Variants in CFAP54 observed in about 807,000 individuals in gnomAD.
The protein encoded by CFAP54 is cilia- and flagella-associated protein 54.
A neutral mutation model predicts 370.4 loss-of-function variants in CFAP54; 290 were observed. The observed-to-expected ratio is 0.78, with a 90% CI of 0.71 to 0.86. CFAP54 has a LOEUF of 0.86. CFAP54 is among the 40% of genes least tolerant of loss of function. The pLI is 0.00. For synonymous variants in CFAP54, 1,206 were observed against 1,236.5 expected (o/e 0.98, Z 0.52); for missense variants, 3,399 against 3,528.7 (o/e 0.96, Z 0.93).
intron 14 of CFAP54, 119 bp downstream of exon 14, chr12:96,541,106 G>T: frequency 3.8e-6 from 2 of 529,666 alleles, no homozygotes; most frequent in East Asian, 3.5e-5. Context: ...GCTTCATTGA[G>T]GATTTATAAT....
intron 63 of CFAP54, among the ~76,000 whole-genome samples, chr12:96,801,291 A>T (rs779853502): frequency 6.6e-6 from 1 of 152,214 alleles, no homozygotes; most frequent in African/African-American, 2.4e-5. Flanking sequence ...TGAGTATACG[A>T]GGTAGAAATT....
intron 50 of CFAP54, among the ~76,000 whole-genome samples, chr12:96,729,293 C>T (rs7295460): frequency 0.24 from 36,393 of 151,882 alleles, 4,507 homozygotes; most frequent in South Asian, 0.28. Context: ...GTGCAGCCTA[C>T]AGAGGCCGGC....
intron 19 of CFAP54, among the ~76,000 whole-genome samples, chr12:96,575,817 C>T (rs1235086975): frequency 6.6e-6 from 1 of 152,050 alleles, no homozygotes; most frequent in Non-Finnish European, 1.5e-5. Context: ...TGTCCTAGCA[C>T]CATTTGTAGA....
intron 9 of CFAP54, among the ~76,000 whole-genome samples, chr12:96,529,741 A>C (rs1016058073): frequency 1.3e-5 from 2 of 152,138 alleles, no homozygotes; most frequent in Admixed American, 1.3e-4. Context: ...CCTTTATTGA[A>C]TACATGTATT....
At chr12:96,683,247 T>C (rs777079161) in intron 40 of CFAP54, among the ~76,000 whole-genome samples, 14 of 152,346 alleles carry the variant, frequency 9.2e-5, no homozygotes, top group Non-Finnish European at 2.1e-4. Flanking sequence ...TGTAAAGAAA[T>C]AATCAGATGC....
intron 63 of CFAP54, among the ~76,000 whole-genome samples, chr12:96,793,829 C>G (rs2136704329): frequency 6.6e-6 from 1 of 152,076 alleles, no homozygotes; most frequent in Admixed American, 6.5e-5. Flanking sequence ...AGCATTTTTT[C>G]ATGTTTGTTG....
Position 96,626,908 on chromosome 12 carries a change from G to T in CFAP54, c.4072G>T (p.Val1358Leu). 7.0e-7 allele frequency: 1 copy of T among 1,427,490 alleles called. No homozygotes were observed. Among genetic ancestry groups the T allele is most frequent in the Non-Finnish European group, 9.2e-7 (1 of 1,081,730 alleles). 88.4% of individuals were successfully genotyped at this position (1,427,490 alleles called of 1,614,324 possible). The change falls in exon 30 of 68, where the codon GTA becomes TTA. Residue 1358 changes from valine to leucine, a missense_variant. Physicochemically the swap from Val to Leu is conservative, Grantham distance 32. Coordinates refer to ENST00000524981, the MANE Select transcript of CFAP54 (RefSeq NM_001306084.2). ...GGAAAAATTTCATCTTATGGTAGAGGTAACAACTCCTGTCCATGACTTCTT... is the reference window on the plus strand; with the variant it reads ...GGAAAAATTTCATCTTATGGTAGAGTTAACAACTCCTGTCCATGACTTCTT... Reference protein sequence around the residue: ...NEEKFHLMVEVTTPVHDFLKR... With the variant: ...NEEKFHLMVELTTPVHDFLKR...
intron 60 of CFAP54, among the ~76,000 whole-genome samples, 175 bp from the exon 61 acceptor site, chr12:96,784,542 G>A (rs1253445996): frequency 6.6e-6 from 1 of 151,896 alleles, no homozygotes; most frequent in Non-Finnish European, 1.5e-5. Flanking sequence ...TCAGTCTGTG[G>A]TTGGTCTTTT....
chr12:96,580,705 C>T lies in CFAP54; in HGVS notation c.2889+16C>T. ...AGGAGAAGCGGTACGTCAAATTAAA[C>T]ATCAGGAAATCTTACTGAAGCCTTT... is the stretch of plus-strand genomic sequence containing the variant. On this transcript the variant is annotated intron_variant, in intron 21 of 67. Transcript: ENST00000524981. The T allele has an allele frequency of 7.0e-7, 1 of 1,430,998 alleles. No homozygotes were observed. The highest frequency in any genetic ancestry group is 9.4e-7 in the Non-Finnish European group (1 of 1,062,098). The allele number at this position is 1,430,998 out of a possible 1,614,324, so 88.6% of individuals were successfully genotyped here.
intron 32 of CFAP54, among the ~76,000 whole-genome samples, chr12:96,640,971 C>G (rs1424420007): frequency 6.6e-6 from 1 of 151,962 alleles, no homozygotes; most frequent in Non-Finnish European, 1.5e-5. Context: ...ACCATAAAAA[C>G]CCTAGAAGAA....
At chr12:96,722,493 A>C (rs1957769536) in intron 50 of CFAP54, among the ~76,000 whole-genome samples, 1 of 152,208 alleles carries the variant, frequency 6.6e-6, no homozygotes, top group African/African-American at 2.4e-5. Flanking sequence ...TGAGGGGCAG[A>C]GTTGCAAGGG....
chr12:96,670,563 A>G (rs1957132745), intron 39 of CFAP54, among the ~76,000 whole-genome samples: 1 of 152,242 alleles, frequency 6.6e-6, no homozygotes, highest in Non-Finnish European at 1.5e-5. Flanking sequence ...TGTACTCAAG[A>G]TAAAGAGGTA....
rs747339252 is a variant in CFAP54, at chr12:96,658,210, G to T, written c.5325-1G>T. ...TTAATGTATTCTTTACCCCTGTCTAGTGAGAGGTATACAGAACAAGTGACA... is the reference window on the plus strand; with the variant it reads ...TTAATGTATTCTTTACCCCTGTCTATTGAGAGGTATACAGAACAAGTGACA... On this transcript the variant is annotated splice_acceptor_variant, in intron 37 of 67. Transcript: ENST00000524981. LOFTEE classifies it high-confidence loss of function. 1 of 1,612,556 alleles carries T rather than the reference G, an allele frequency of 6.2e-7. No individual in the cohort carries two copies. Among genetic ancestry groups the T allele is most frequent in the Non-Finnish European group, 8.5e-7 (1 of 1,179,580 alleles).
At chr12:96,859,820 C>A (rs760229029) in intron 66 of CFAP54, among the ~76,000 whole-genome samples, 3 of 151,910 alleles carry the variant, frequency 2.0e-5, no homozygotes, top group Non-Finnish European at 2.9e-5. Context: ...CTAATAATTC[C>A]ATTTTTTTAA....
chr12:96,599,971 T>C (rs1956221628), intron 26 of CFAP54, among the ~76,000 whole-genome samples: 1 of 152,258 alleles, frequency 6.6e-6, no homozygotes, highest in Admixed American at 6.5e-5. Flanking sequence ...TTCGCTCTGA[T>C]GATAGTTTCT....
chr12:96,713,183 G>T (rs993467063), intron 48 of CFAP54, among the ~76,000 whole-genome samples: 3 of 152,102 alleles, frequency 2.0e-5, no homozygotes, highest in Non-Finnish European at 4.4e-5. Flanking sequence ...AATCTTTTCT[G>T]TATATCCAAA....
rs1379500908 is a variant in CFAP54 at position 96,709,578 on chromosome 12, G to A, written c.6724+775G>A. Among the ~76,000 whole-genome samples, 3 of 151,974 alleles carry A rather than the reference G, an allele frequency of 2.0e-5. No homozygotes were observed. In the South Asian group the frequency reaches 6.2e-4, roughly 32 times the overall value. On this transcript the variant is annotated intron_variant, in intron 48 of 67. Coordinates refer to ENST00000524981, the MANE Select transcript of CFAP54 (RefSeq NM_001306084.2). ...TTGAATTCTATTCAATGCTCTATCTGCATCTATTGGGATGATTATGTGGTC... is the reference window on the plus strand; with the variant it reads ...TTGAATTCTATTCAATGCTCTATCTACATCTATTGGGATGATTATGTGGTC...
intron 39 of CFAP54, among the ~76,000 whole-genome samples, chr12:96,675,799 G>C (rs1026608370): frequency 1.3e-5 from 2 of 152,090 alleles, no homozygotes; most frequent in Non-Finnish European, 2.9e-5. Flanking sequence ...GGACATGGAT[G>C]AAGCTGGAAA....
At chr12:96,809,520 A>G (rs1958911011) in intron 63 of CFAP54, among the ~76,000 whole-genome samples, 1 of 151,944 alleles carries the variant, frequency 6.6e-6, no homozygotes, top group Non-Finnish European at 1.5e-5. Flanking sequence ...TTCTTGTTTC[A>G]CAGATACAAT....
Sources: allele counts gnomAD v4.1 joint callset (sites outside exome capture counted in the v4.1 genomes callset), GRCh38; gene constraint gnomAD v4.1.1; transcripts MANE v1.5; gene names NCBI Gene and HGNC (gene_info 2026-07-23, HGNC 2026-07-21).